Variants in KMT2C observed in about 807,000 individuals in gnomAD.
KMT2C encodes histone-lysine N-methyltransferase 2C.
Under a neutral mutation model 507.9 loss-of-function variants are expected in KMT2C, and 88 were observed. That is an observed-to-expected ratio of 0.17 (90% CI 0.15 to 0.21). KMT2C has a LOEUF of 0.21. Ranked by LOEUF, KMT2C falls within the 10% of genes least tolerant of loss-of-function variation. The pLI is 1.00. For synonymous variants in KMT2C, 2,049 were observed against 2,080.8 expected (o/e 0.98, Z 0.42); for missense variants, 4,954 against 5,957.8 (o/e 0.83, Z 5.55).
intron 6 of KMT2C, among the ~76,000 whole-genome samples, chr7:152,304,355 T>C (rs1337893750): frequency 6.6e-6 from 1 of 152,186 alleles, no homozygotes; most frequent in African/African-American, 2.4e-5. Flanking sequence ...CTAATAAAAA[T>C]ATTGAATGTT....
rs999252054 is a variant in KMT2C, at chr7:152,363,592, C to T, written c.162-4917G>A. 3.3e-5 allele frequency among the ~76,000 whole-genome samples: 5 copies of T among 152,246 alleles called. No homozygotes were observed. In the East Asian group the frequency reaches 9.6e-4, roughly 29 times the overall value. On this transcript the variant is annotated intron_variant, in intron 1 of 58. Transcript: ENST00000262189. ...GAACAAAGGGAAAGAAACAGGGTGACCCCTACCATGGCACAGGCTTTCTGC... is the reference window on the plus strand; with the variant it reads ...GAACAAAGGGAAAGAAACAGGGTGATCCCTACCATGGCACAGGCTTTCTGC...
chr7:152,148,660 C>T lies in KMT2C; in HGVS notation c.13267G>A (p.Asp4423Asn), dbSNP rs1388579933. The T allele has an allele frequency of 5.6e-6, 9 of 1,614,058 alleles. No individual in the cohort carries two copies. The highest frequency in any genetic ancestry group is 7.6e-6 in the Non-Finnish European group (9 of 1,180,042). ...TDGPARLLNL[D>N]LDLWVHLNCA... is the part of the protein sequence containing the mutation. ...TTCAAGTGGACCCACAGATCCAAGTCAAGGTTGAGTAGCCTTGCTGGTCCA... is the reference window on the plus strand; with the variant it reads ...TTCAAGTGGACCCACAGATCCAAGTTAAGGTTGAGTAGCCTTGCTGGTCCA... The change falls in exon 52 of 59, where the codon GAC becomes AAC. Residue 4423 changes from aspartate to asparagine, a missense_variant. By Grantham distance (23) the Asp-to-Asn change is conservative (BLOSUM62 1). Around this residue, in one of 29 missense-constraint regions of KMT2C, gnomAD observed 39 missense variants for 101.8 expected, o/e 0.38. Transcript: ENST00000262189. The surrounding 1 kb of genome is among the most constrained non-coding windows in gnomAD (Gnocchi z 7.1).
chr7:152,139,449 G>T (rs967044275), intron 56 of KMT2C, among the ~76,000 whole-genome samples, 190 bp from the exon 57 acceptor site: 2 of 152,244 alleles, frequency 1.3e-5, no homozygotes, highest in African/African-American at 4.8e-5. Context: ...AGTAGGTTGT[G>T]TGTGAAGCCA....
At chr7:152,175,936 G>A (rs948024775) in intron 38 of KMT2C, among the ~76,000 whole-genome samples, 5 of 152,174 alleles carry the variant, frequency 3.3e-5, no homozygotes, top group South Asian at 4.2e-4. Context: ...CCAGCTACTC[G>A]GGAGGCTGAG....
chr7:152,211,652 C>T (rs1356938176), intron 23 of KMT2C, among the ~76,000 whole-genome samples: 7 of 152,218 alleles, frequency 4.6e-5, no homozygotes, highest in Non-Finnish European at 1.0e-4. Context: ...CATAAAGTAG[C>T]ACATACAGTG....
chr7:152,241,883 TTCA>T (rs1405778567), intron 14 of KMT2C, among the ~76,000 whole-genome samples: 2 of 152,264 alleles, frequency 1.3e-5, no homozygotes, highest in Non-Finnish European at 2.9e-5. Flanking sequence ...TTATGTATTA[TTCA>T]TCATAATTTA....
At chr7:152,364,629 A>AAAAAAG (rs1554679999) in intron 1 of KMT2C, among the ~76,000 whole-genome samples, 102 of 147,720 alleles carry the variant, frequency 6.9e-4, no homozygotes, top group African/African-American at 2.6e-3. Context: ...AAGAAAAGAA[A>AAAAAAG]AAAAGAAAAA....
chr7:152,175,298 G>A (rs922796541), intron 38 of KMT2C, among the ~76,000 whole-genome samples: 3 of 151,846 alleles, frequency 2.0e-5, no homozygotes, highest in African/African-American at 7.3e-5. Flanking sequence ...GGCGCACGCT[G>A]CTATGCCCAG....
intron 1 of KMT2C, among the ~76,000 whole-genome samples, chr7:152,391,360 A>G (rs1334780105): frequency 6.6e-6 from 1 of 151,350 alleles, no homozygotes; most frequent in African/African-American, 2.4e-5. Context: ...CTCCCGCCTC[A>G]GCCTCCCGAG....
In KMT2C at chr7:152,239,868, A is replaced by G. The variant is rs1383244637; in HGVS notation, c.2533-1042T>C. 2.0e-5 allele frequency among the ~76,000 whole-genome samples: 3 copies of G among 152,252 alleles called. No homozygotes were observed. The East Asian group carries it at 5.8e-4, about 29-fold the overall frequency. ...TTTCTAGAATATCATCAAATTAAAA[A>G]GTACTATCTCATTAATCACATAAAA... On this transcript the variant is annotated intron_variant, in intron 14 of 58. Coordinates refer to ENST00000262189, the MANE Select transcript of KMT2C (RefSeq NM_170606.3).
rs779793673 is a variant in KMT2C, at chr7:152,187,254, T to C, written c.5008+8A>G. ...TGGTAAAACAGAAATAATATATTCATGGCTTACCAGGGAATTCTTCCTTTA... is the reference window on the plus strand; with the variant it reads ...TGGTAAAACAGAAATAATATATTCACGGCTTACCAGGGAATTCTTCCTTTA... On this transcript the variant is annotated splice_region_variant and intron_variant, in intron 33 of 58. Transcript: ENST00000262189. 1.2e-6 allele frequency: 2 copies of C among 1,607,728 alleles called. No homozygotes were observed. Among genetic ancestry groups the C allele is most frequent in the Non-Finnish European group, 1.7e-6 (2 of 1,174,284 alleles).
intron 2 of KMT2C, among the ~76,000 whole-genome samples, chr7:152,332,891 C>CACACAA (rs1554652303): frequency 6.7e-6 from 1 of 149,644 alleles, no homozygotes; most frequent in African/African-American, 2.5e-5. Flanking sequence ...CACACACACA[C>CACACAA]AAATTATTCT....
intron 2 of KMT2C, among the ~76,000 whole-genome samples, chr7:152,337,067 T>G (rs1177381267): frequency 1.3e-5 from 2 of 152,128 alleles, no homozygotes; most frequent in Non-Finnish European, 2.9e-5. Flanking sequence ...GGAGGATCAC[T>G]TAAGCCCAGA....
chr7:152,243,706 G>A (rs1471179535), intron 14 of KMT2C, among the ~76,000 whole-genome samples: 8 of 152,062 alleles, frequency 5.3e-5, no homozygotes, highest in Admixed American at 5.2e-4. Flanking sequence ...AACTGCTTGA[G>A]CCAGGGAGGC....
intron 38 of KMT2C, 40 bp downstream of exon 38, chr7:152,176,151 A>AC: frequency 6.6e-7 from 1 of 1,520,672 alleles, no homozygotes; most frequent in South Asian, 1.3e-5. Flanking sequence ...CCACTCTAAT[A>AC]CCCATAGTAA....
At chr7:152,303,866 T>C (rs532801060) in intron 6 of KMT2C, among the ~76,000 whole-genome samples, 26 of 152,136 alleles carry the variant, frequency 1.7e-4, no homozygotes, top group Non-Finnish European at 3.1e-4. Context: ...TCCACGCCTA[T>C]GATCTCAGCT....
At chr7:152,224,380 G>T in intron 19 of KMT2C, 55 bp downstream of exon 19, 1 of 1,546,490 alleles carries the variant, frequency 6.5e-7, no homozygotes. Context: ...AACCAAAGTG[G>T]TATGAGAAAG....
Position 152,139,766 on chromosome 7 carries a change from T to C in KMT2C, c.14369A>G (p.Asp4790Gly). The change falls in exon 56 of 59, where the codon GAC (aspartate) becomes GGC (glycine). Residue 4790 changes from aspartate (D) to glycine (G), a missense_variant. Coordinates refer to ENST00000262189, the MANE Select transcript of KMT2C (RefSeq NM_170606.3). Reference protein sequence around the residue: ...IQGLGLYAARDIEKHTMVIEY... With the variant: ...IQGLGLYAARGIEKHTMVIEY... The stretch of plus-strand genomic sequence containing the variant: ...AATGACCATGGTGTGTTTCTCAATG[T>C]CTCGAGCAGCATACAGGCCCAGCCC... 1 of 1,614,054 alleles carries C rather than the reference T, an allele frequency of 6.2e-7. No homozygotes were observed. The highest frequency in any genetic ancestry group is 8.5e-7 in the Non-Finnish European group (1 of 1,179,958).
At chr7:152,296,445 A>AAAG (rs1309213611) in intron 6 of KMT2C, among the ~76,000 whole-genome samples, 4 of 149,576 alleles carry the variant, frequency 2.7e-5, no homozygotes, top group African/African-American at 1.0e-4. Flanking sequence ...AAAAAAAAAA[A>AAAG]AGAGAGAGAG....
Sources: gnomAD v4.1 joint callset for allele counts (sites outside exome capture counted in the v4.1 genomes callset) on GRCh38, gnomAD v4.1.1 for gene constraint, gnomAD v4.1.1 regional missense constraint, Gnocchi (gnomAD v3.1) non-coding constraint, MANE v1.5 for transcripts, NCBI Gene and HGNC (gene_info 2026-07-23, HGNC 2026-07-21) for gene names.